Variants in TPM4 observed in about 807,000 individuals in gnomAD.
TPM4 encodes the protein tropomyosin alpha-4 chain.
TPM4 carries 17 observed loss-of-function variants against 35.8 expected under a neutral mutation model. The observed-to-expected ratio is 0.47, with a 90% CI of 0.32 to 0.71. The LOEUF (loss-of-function observed/expected upper bound fraction) is 0.71, where lower values mean the gene tolerates loss of function less well. TPM4 is among the 30% of genes least tolerant of loss of function. The pLI is 0.03. For missense variants in TPM4, 240 were observed against 320.9 expected, an observed-to-expected ratio of 0.75 and a Z score of 1.93; for synonymous variants, 120 against 122.9, an observed-to-expected ratio of 0.98 and a Z score of 0.15.
upstream of TPM4, chr19:16,076,328 C>T (rs1215226968): frequency 6.7e-7 from 1 of 1,495,994 alleles, no homozygotes; most frequent in Non-Finnish European, 8.9e-7. Context: ...GGGGCACTTT[C>T]CAGCAGCTGT....
chr19:16,083,650 G>GATCACACAAGGTGATTGCC (rs200512002), intron 2 of TPM4, among the ~76,000 whole-genome samples: 2 of 152,062 alleles, frequency 1.3e-5, no homozygotes, highest in African/African-American at 4.8e-5. Context: ...TGGCAATGGT[G>GATCACACAAGGTGATTGCC]TGGGCCCGAC....
intron 7 of TPM4, among the ~76,000 whole-genome samples, chr19:16,094,962 C>T (rs1268508534): frequency 1.3e-5 from 2 of 151,996 alleles, no homozygotes; most frequent in Non-Finnish European, 2.9e-5. Context: ...ATTGGAAATC[C>T]GAAATAAACT....
rs1409005676 is a variant in TPM4, at chr19:16,070,320, A to G, written c.114+2582A>G. On this transcript the variant is annotated intron_variant, in intron 2 of 2. Coordinates refer to the TPM4 transcript ENST00000589897. This position sits in a 1 kb window ranked among gnomAD's most constrained non-coding sequence, Gnocchi z 7.4. ...GGTTTGGGGCAGAGCAGACAGGAGC[A>G]GTGGGTGGGAGGAAGGAAGGGAGTC... Among the ~76,000 whole-genome samples, 1 of 152,138 alleles carries G rather than the reference A, an allele frequency of 6.6e-6. No homozygotes were observed. The highest frequency in any genetic ancestry group is 1.5e-5 in the Non-Finnish European group (1 of 68,012).
rs142587547 is a variant in TPM4 at position 16,101,310 on chromosome 19, A to G, written c.711A>G (p.Thr237=). The G allele has an allele frequency of 1.2e-4, 199 of 1,608,396 alleles. No homozygotes were observed. In the African/African-American group the frequency reaches 2.1e-3, roughly 17 times the overall value. Reference sequence around the variant, plus strand: ...AAGAGAACGTGGGCTTACATCAGACACTGGATCAGACACTAAACGAACTTA... The same window carrying G: ...AAGAGAACGTGGGCTTACATCAGACGCTGGATCAGACACTAAACGAACTTA... ...AKEENVGLHQ[T]LDQTLNELNC... The change falls in exon 8 of 8, where the codon ACA becomes ACG. Residue 237 remains threonine, a synonymous_variant. Coordinates refer to ENST00000643579, the MANE Select transcript of TPM4 (RefSeq NM_003290.3).
Position 16,087,741 on chromosome 19 carries a change from C to T in TPM4, c.385-286C>T, listed in dbSNP as rs560184484. The stretch of plus-strand genomic sequence containing the variant: ...ACTGAAAATACAAAAATTAGCTGGG[C>T]GTGGTGGCACGCGCCTGTAGTCCCA... On this transcript the variant is annotated intron_variant, in intron 3 of 7. Transcript: ENST00000643579. Among the ~76,000 whole-genome samples the T allele has an allele frequency of 5.5e-4, 83 of 151,290 alleles. 1 individual carries two copies. The highest frequency in any genetic ancestry group is 7.4e-5 in the Non-Finnish European group (5 of 67,778).
chr19:16,082,157 ATGTGTCC>A, intron 2 of TPM4, 111 bp downstream of exon 2: 1 of 1,384,250 alleles, frequency 7.2e-7, no homozygotes, highest in Admixed American at 2.4e-5. Flanking sequence ...AAGGACATGC[ATGTGTCC>A]ACAAAAAAGT....
chr19:16,088,832 G>A (rs543999783), intron 4 of TPM4: 137 of 1,342,008 alleles, frequency 1.0e-4, no homozygotes, highest in Non-Finnish European at 1.2e-4. Context: ...CTCTTCGGGC[G>A]CACCTCGCCT....
intron 1 of TPM4, 198 bp from the exon 2 acceptor site, chr19:16,081,715 G>A (rs1477098750): frequency 3.5e-6 from 2 of 567,988 alleles, no homozygotes; most frequent in Non-Finnish European, 5.5e-6. Context: ...TTGCTATGGA[G>A]TGGTAGATGT....
chr19:16,070,050 G>A lies in TPM4; in HGVS notation c.114+2312G>A, dbSNP rs1328947129. ...GACCTGCTGCAGGGGTGACTGGGTG[G>A]GGTCTGGGGACTGGGATGGGAGTAG... is the stretch of plus-strand genomic sequence containing the variant. On this transcript the variant is annotated intron_variant, in intron 2 of 2. Coordinates refer to the TPM4 transcript ENST00000589897. This position sits in a 1 kb window ranked among gnomAD's most constrained non-coding sequence, Gnocchi z 7.4. 4.6e-5 allele frequency among the ~76,000 whole-genome samples: 7 copies of A among 152,076 alleles called. No homozygotes were observed. The highest frequency in any genetic ancestry group is 4.4e-5 in the Non-Finnish European group (3 of 67,988).
intron 7 of TPM4, among the ~76,000 whole-genome samples, chr19:16,098,027 G>A (rs2090720169): frequency 6.6e-6 from 1 of 152,114 alleles, no homozygotes; most frequent in Admixed American, 6.6e-5. Flanking sequence ...GTTTTTGTTT[G>A]GAGTCTGTGT....
intron 1 of TPM4, chr19:16,081,230 C>A (rs1676366769): frequency 5.1e-6 from 2 of 395,136 alleles, no homozygotes; most frequent in Non-Finnish European, 4.5e-6. Context: ...GAACTCTCTA[C>A]GTGGTAACAC....
intron 2 of TPM4, among the ~76,000 whole-genome samples, chr19:16,071,222 G>T (rs966163864): frequency 6.6e-6 from 1 of 152,120 alleles, no homozygotes; most frequent in Non-Finnish European, 1.5e-5. Context: ...AGAGATGGGG[G>T]TCTCACTCTG....
At chr19:16,088,283 TG>T in intron 4 of TPM4, 186 bp downstream of exon 4, 1 of 1,407,760 alleles carries the variant, frequency 7.1e-7, no homozygotes, top group Non-Finnish European at 9.4e-7. Flanking sequence ...CTTACTGCCA[TG>T]GGAAGCACTG....
chr19:16,092,761 C>T (rs374285220), intron 5 of TPM4, among the ~76,000 whole-genome samples: 112 of 152,296 alleles, frequency 7.4e-4, no homozygotes, highest in African/African-American at 2.6e-3. Flanking sequence ...GTCTCGAACT[C>T]CTGACCTCAA....
Position 16,069,745 on chromosome 19 carries a change from G to A in TPM4, c.114+2007G>A, listed in dbSNP as rs367882913. 2.7e-3 allele frequency among the ~76,000 whole-genome samples: 375 copies of A among 139,748 alleles called. 1 individual carries two copies. The highest frequency in any genetic ancestry group is 9.1e-3 in the African/African-American group (341 of 37,282). The allele number at this position is 139,748 out of a possible 152,430, so 91.7% of individuals were successfully genotyped here. On this transcript the variant is annotated intron_variant, in intron 2 of 2. Coordinates refer to the TPM4 transcript ENST00000589897. ...GCGTGTATGAGTGTGTTTCTATTGG[G>A]GGGTGTGTGCATGTGTGGATGAGTG... is the stretch of plus-strand genomic sequence containing the variant.
chr19:16,067,982 A>C lies in TPM4; in HGVS notation c.114+244A>C. ...AACAAAGTGAGTTTGACAGAGAGAG[A>C]GTTGGCGGGGGAGGGAGAGTGAGAA... On this transcript the variant is annotated intron_variant, in intron 2 of 2. Transcript: ENST00000589897. The surrounding 1 kb of genome is among the most constrained non-coding windows in gnomAD (Gnocchi z 4.1). 1 of 492,804 alleles carries C rather than the reference A, an allele frequency of 2.0e-6. No homozygotes were observed. Among genetic ancestry groups the C allele is most frequent in the Non-Finnish European group, 3.6e-6 (1 of 278,872 alleles). The allele number at this position is 492,804 out of a possible 1,614,324, so 30.5% of individuals were successfully genotyped here. A position where few individuals can be genotyped will look rare whatever the true frequency, so the allele number is the denominator to read the frequency against.
At chr19:16,076,010 C>CA (rs755511921), upstream of TPM4, 1 of 1,592,114 alleles carries the variant, frequency 6.3e-7, no homozygotes, top group South Asian at 1.1e-5. Context: ...GTGACCCCCC[C>CA]CCCAGGCTGA....
intron 1 of TPM4, chr19:16,081,537 A>G: frequency 6.1e-6 from 1 of 163,528 alleles, no homozygotes; most frequent in Non-Finnish European, 1.3e-5. Context: ...GTGGAACTAC[A>G]GGCACGTGCC....
chr19:16,076,707 C>A lies in TPM4; in HGVS notation c.132+10C>A. On this transcript the variant is annotated intron_variant, in intron 1 of 7. Coordinates refer to ENST00000643579, the MANE Select transcript of TPM4 (RefSeq NM_003290.3). ...CGAGCGGCGCGAGAAAGTGAGCGCC[C>A]CGGCCTCGGGCCCCGCACCCGCAGC... 1 of 1,332,674 alleles carries A rather than the reference C, an allele frequency of 7.5e-7. No individual in the cohort carries two copies. Among genetic ancestry groups the A allele is most frequent in the Non-Finnish European group, 9.6e-7 (1 of 1,042,638 alleles). 82.6% of individuals were successfully genotyped at this position (1,332,674 alleles called of 1,614,324 possible).
Sources: allele counts gnomAD v4.1 joint callset (sites outside exome capture counted in the v4.1 genomes callset), GRCh38; gene constraint gnomAD v4.1.1; non-coding constraint Gnocchi (gnomAD v3.1); transcripts MANE v1.5; gene names NCBI Gene and HGNC (gene_info 2026-07-23, HGNC 2026-07-21).